The following CEP112 variants were observed in gnomAD, a reference collection of about 807,000 sequenced individuals.
The protein encoded by CEP112 is centrosomal protein 112, also known as centrosomal protein of 112 kDa.
A neutral mutation model predicts 153.0 loss-of-function variants in CEP112; 127 were observed. That is an observed-to-expected ratio of 0.83 (90% CI 0.72 to 0.96). CEP112 has a LOEUF of 0.96. Among genes scored for constraint, CEP112 ranks in the 40% least tolerant of loss-of-function variants. The pLI, the probability that CEP112 is intolerant of heterozygous loss-of-function variation, is 0.00. For missense variants in CEP112, 1,089 were observed against 1,101.2 expected, an observed-to-expected ratio of 0.99 and a Z score of 0.16; for synonymous variants, 358 against 374.4, an observed-to-expected ratio of 0.96 and a Z score of 0.51.
chr17:66,009,066 G>T (rs954908015), intron 16 of CEP112, among the ~76,000 whole-genome samples: 34 of 152,110 alleles, frequency 2.2e-4, no homozygotes, highest in African/African-American at 7.5e-4. Context: ...ATTGCTGAAT[G>T]ATACGGTAGT....
intron 20 of CEP112, among the ~76,000 whole-genome samples, chr17:65,890,732 T>C (rs2059433376): frequency 6.6e-6 from 1 of 152,174 alleles, no homozygotes; most frequent in Admixed American, 6.6e-5. Context: ...CAAGGGGATA[T>C]TAATCTCCTT....
intron 3 of CEP112, 121 bp downstream of exon 3, chr17:66,176,708 AC>A (rs2146875421): frequency 3.1e-6 from 2 of 635,124 alleles, no homozygotes; most frequent in South Asian, 5.0e-5. Context: ...AAGAAAAAAA[AC>A]AATTTTAATA....
chr17:65,639,836 C>CTTTTTTTTTTT (rs554226605), intron 25 of CEP112, among the ~76,000 whole-genome samples: 3 of 110,966 alleles, frequency 2.7e-5, no homozygotes, highest in Non-Finnish European at 5.2e-5. Context: ...CTCTTTCTTT[C>CTTTTTTTTTTT]TTTTTTTTTT....
At chr17:66,003,806 G>A (rs575861167) in intron 17 of CEP112, among the ~76,000 whole-genome samples, 1 of 152,100 alleles carries the variant, frequency 6.6e-6, no homozygotes, top group African/African-American at 2.4e-5. Context: ...GTGCCAGCAA[G>A]AGATTTAGCT....
Position 66,191,235 on chromosome 17 carries a change from G to A in CEP112, c.-9+762C>T, listed in dbSNP as rs1338833972. ...ACAGTGACAGCTGGGCCTGAACACT[G>A]CACAAATTATTAATACCATGCATTC... On this transcript the variant is annotated intron_variant, in intron 1 of 26. Coordinates refer to ENST00000535342, the MANE Select transcript of CEP112 (RefSeq NM_001199165.4). The surrounding 1 kb of genome is among the most constrained non-coding windows in gnomAD (Gnocchi z 4.2). 6.6e-6 allele frequency among the ~76,000 whole-genome samples: 1 copy of A among 152,152 alleles called. No individual in the cohort carries two copies. The highest frequency in any genetic ancestry group is 1.5e-5 in the Non-Finnish European group (1 of 68,034).
In CEP112 at chr17:65,782,713, T is replaced by A. The variant is rs115881609; in HGVS notation, c.2395-31989A>T. On this transcript the variant is annotated intron_variant, in intron 21 of 26. Transcript: ENST00000535342. ...GCAACATGGATACAGCTGGAGGCCATTAGCCCAAGCAAATACCACATGTTC... is the reference window on the plus strand; with the variant it reads ...GCAACATGGATACAGCTGGAGGCCAATAGCCCAAGCAAATACCACATGTTC... Among the ~76,000 whole-genome samples, 128 of 152,200 alleles carry A rather than the reference T, an allele frequency of 8.4e-4. 1 individual carries two copies. Among genetic ancestry groups the A allele is most frequent in the African/African-American group, 2.9e-3 (119 of 41,542 alleles).
intron 21 of CEP112, among the ~76,000 whole-genome samples, chr17:65,813,835 C>G (rs2056118960): frequency 2.0e-5 from 3 of 152,172 alleles, no homozygotes; most frequent in Non-Finnish European, 4.4e-5. Flanking sequence ...AATTAAGAAT[C>G]TGTGTTGTAT....
At chr17:66,010,982 TAAG>T (rs1161497650) in intron 16 of CEP112, among the ~76,000 whole-genome samples, 1 of 152,142 alleles carries the variant, frequency 6.6e-6, no homozygotes, top group African/African-American at 2.4e-5. Flanking sequence ...CAGGATGAGT[TAAG>T]GAGGAGTCCC....
chr17:65,793,041 T>C (rs953990499), intron 21 of CEP112, among the ~76,000 whole-genome samples: 3 of 151,854 alleles, frequency 2.0e-5, no homozygotes, highest in Non-Finnish European at 2.9e-5. Context: ...AAGCTTACCC[T>C]GCACTGGTGG....
At chr17:65,843,214 T>C (rs920768034) in intron 21 of CEP112, among the ~76,000 whole-genome samples, 1 of 152,180 alleles carries the variant, frequency 6.6e-6, no homozygotes, top group Non-Finnish European at 1.5e-5. Context: ...TATTTGTGTA[T>C]GTTTTTACCT....
intron 23 of CEP112, among the ~76,000 whole-genome samples, chr17:65,690,425 C>CAAAAAAAAAA (rs67648497): frequency 1.3e-5 from 1 of 76,696 alleles, no homozygotes; most frequent in Admixed American, 1.8e-4. Flanking sequence ...GACCCTGTCT[C>CAAAAAAAAAA]AAAAAAAAAA....
chr17:66,103,342 T>C (rs1236574694), intron 6 of CEP112, among the ~76,000 whole-genome samples: 1 of 151,732 alleles, frequency 6.6e-6, no homozygotes, highest in East Asian at 1.9e-4. Flanking sequence ...CTAAACAGCA[T>C]TTTTTTAAAA....
At chr17:65,916,289 G>GTGTGTGTGTGTGTGTGTGTGTGTA (rs777844271) in intron 19 of CEP112, among the ~76,000 whole-genome samples, 1 of 147,248 alleles carries the variant, frequency 6.8e-6, no homozygotes, top group Non-Finnish European at 1.5e-5. Flanking sequence ...GTGTGTGTGT[G>GTGTGTGTGTGTGTGTGTGTGTGTA]TGTATGTGTG....
At chr17:66,139,096 C>A (rs2146595305) in intron 4 of CEP112, among the ~76,000 whole-genome samples, 1 of 151,948 alleles carries the variant, frequency 6.6e-6, no homozygotes, top group South Asian at 2.1e-4. Context: ...AAACTCAAAG[C>A]CAGCAGAAGG....
At chr17:65,776,749 G>A (rs1195363694) in intron 21 of CEP112, among the ~76,000 whole-genome samples, 1 of 149,812 alleles carries the variant, frequency 6.7e-6, no homozygotes, top group African/African-American at 2.4e-5. Flanking sequence ...AAATGACTAA[G>A]TCAATGGATA....
At position 66,096,247 on chromosome 17, in the gene CEP112, C is replaced by T. The variant is rs1180770289; in HGVS notation, c.768+4G>A. The T allele has an allele frequency of 6.2e-6, 10 of 1,600,332 alleles. No individual in the cohort carries two copies. The highest frequency in any genetic ancestry group is 1.1e-5 in the South Asian group (1 of 90,146). ...TGGGTTTATCAGCAATATCTCATTC[C>T]TACCTCTTTCTCACGTATTCGAGAG... On this transcript the variant is annotated splice_donor_region_variant and intron_variant, in intron 8 of 26. Coordinates refer to ENST00000535342, the MANE Select transcript of CEP112 (RefSeq NM_001199165.4).
intron 19 of CEP112, among the ~76,000 whole-genome samples, chr17:65,902,715 T>A (rs1326800218): frequency 6.6e-6 from 1 of 152,128 alleles, no homozygotes; most frequent in Non-Finnish European, 1.5e-5. Flanking sequence ...AGCAATTAAA[T>A]CGGTCAGCTT....
intron 24 of CEP112, among the ~76,000 whole-genome samples, chr17:65,647,525 G>A (rs1362438758): frequency 6.9e-6 from 1 of 145,296 alleles, no homozygotes; most frequent in African/African-American, 2.6e-5. Context: ...ATCTAGGCTG[G>A]AGTGCCATGG....
chr17:65,716,306 G>A (rs1204490995), intron 23 of CEP112, among the ~76,000 whole-genome samples: 5 of 152,128 alleles, frequency 3.3e-5, no homozygotes, highest in Non-Finnish European at 5.9e-5. Context: ...ACAGGTGCCC[G>A]CCACCATGCC....
Sources: gnomAD v4.1 joint callset for allele counts (sites outside exome capture counted in the v4.1 genomes callset) on GRCh38, gnomAD v4.1.1 for gene constraint, Gnocchi (gnomAD v3.1) non-coding constraint, MANE v1.5 for transcripts, NCBI Gene and HGNC (gene_info 2026-07-23, HGNC 2026-07-21) for gene names.